Variants in SEMA5A observed in about 807,000 individuals in gnomAD.
SEMA5A encodes semaphorin 5A.
In SEMA5A, 55 loss-of-function variants were observed where a neutral mutation model predicts 135.5. The ratio of observed to expected loss-of-function variants is 0.41; its 90% CI spans 0.33 to 0.51. SEMA5A has a LOEUF of 0.51. SEMA5A is among the 20% of genes least tolerant of loss of function. SEMA5A has a pLI of 0.37. For synonymous variants in SEMA5A, 580 were observed against 546.5 expected, an observed-to-expected ratio of 1.06 and a Z score of -0.85; for missense variants, 1,290 against 1,419.9, an observed-to-expected ratio of 0.91 and a Z score of 1.47.
At position 9,286,993 on chromosome 5, in the gene SEMA5A, G is replaced by A. The variant is rs529148155; in HGVS notation, c.270+31379C>T. On this transcript the variant is annotated intron_variant, in intron 5 of 22. Coordinates refer to ENST00000382496, the MANE Select transcript of SEMA5A (RefSeq NM_003966.3). ...AAACAATCATAAGCAAATGCTGTCCGTCACTGTTTTCCTACATGTACCCAA... is the reference window on the plus strand; with the variant it reads ...AAACAATCATAAGCAAATGCTGTCCATCACTGTTTTCCTACATGTACCCAA... Among the ~76,000 whole-genome samples, 8 of 152,244 alleles carry A rather than the reference G, an allele frequency of 5.3e-5. No individual in the cohort carries two copies. In the South Asian group the frequency reaches 1.0e-3, roughly 20 times the overall value.
chr5:9,384,633 TAGATAG>T (rs1755783286), intron 2 of SEMA5A, among the ~76,000 whole-genome samples: 1 of 118,518 alleles, frequency 8.4e-6, no homozygotes. Context: ...GATAGATAGA[TAGATAG>T]ATAGATAGAT....
At position 9,528,517 on chromosome 5, in the gene SEMA5A, G is replaced by A. The variant is rs75920433; in HGVS notation, c.-175+17067C>T. Among the ~76,000 whole-genome samples the A allele has an allele frequency of 7.7e-3, 1,177 of 152,260 alleles. 15 individuals carry two copies. The highest frequency in any genetic ancestry group is 0.027 in the African/African-American group (1,114 of 41,522). On this transcript the variant is annotated intron_variant, in intron 1 of 22. Transcript: ENST00000382496. ...CCAACCCCATGAATCTGAGCCCTAG[G>A]ACTGCTTTGACCAGTAGAATACAGT...
At chr5:9,233,998 T>C (rs1450750431) in intron 6 of SEMA5A, among the ~76,000 whole-genome samples, 2 of 152,208 alleles carry the variant, frequency 1.3e-5, no homozygotes, top group Admixed American at 6.5e-5. Flanking sequence ...ATTCTTTTTA[T>C]TTCAGGGAGA....
chr5:9,232,443 A>T (rs1321081390), intron 6 of SEMA5A, among the ~76,000 whole-genome samples: 1 of 152,170 alleles, frequency 6.6e-6, no homozygotes, highest in Non-Finnish European at 1.5e-5. Flanking sequence ...CATCAACCTA[A>T]ATCATGATTA....
At chr5:9,510,483 A>C (rs1470736841) in intron 1 of SEMA5A, among the ~76,000 whole-genome samples, 1 of 152,196 alleles carries the variant, frequency 6.6e-6, no homozygotes, top group Non-Finnish European at 1.5e-5. Flanking sequence ...TGATTTTTCA[A>C]GTTCTTTGTA....
chr5:9,538,962 G>C (rs930501355), intron 1 of SEMA5A, among the ~76,000 whole-genome samples: 1 of 152,228 alleles, frequency 6.6e-6, no homozygotes, highest in African/African-American at 2.4e-5. Flanking sequence ...GTTTTATTGA[G>C]GTATATGTTA....
chr5:9,360,868 T>C (rs1262830319), intron 3 of SEMA5A, among the ~76,000 whole-genome samples: 1 of 152,262 alleles, frequency 6.6e-6, no homozygotes, highest in Non-Finnish European at 1.5e-5. Context: ...TGATTTTCTA[T>C]CTTCTTCATC....
Position 9,353,455 on chromosome 5 carries a change from C to G in SEMA5A, c.125-15643G>C, listed in dbSNP as rs114676119. Among the ~76,000 whole-genome samples, 950 of 151,858 alleles carry G rather than the reference C, an allele frequency of 6.3e-3. 7 individuals carry two copies. Among genetic ancestry groups the G allele is most frequent in the African/African-American group, 0.022 (907 of 41,398 alleles). On this transcript the variant is annotated intron_variant, in intron 3 of 22. Coordinates refer to ENST00000382496, the MANE Select transcript of SEMA5A (RefSeq NM_003966.3). Reference sequence around the variant, plus strand: ...CAATTTTAAAGTAAGAAGGAACCACCTCTGGGCATATCTACTCATACCTCT... The same window carrying G: ...CAATTTTAAAGTAAGAAGGAACCACGTCTGGGCATATCTACTCATACCTCT...
chr5:9,054,045 C>T, intron 19 of SEMA5A, 42 bp downstream of exon 19: 3 of 1,558,404 alleles, frequency 1.9e-6, no homozygotes, highest in Non-Finnish European at 2.6e-6. Context: ...GGAAAGAGGC[C>T]AATTTGTCTG....
intron 3 of SEMA5A, among the ~76,000 whole-genome samples, chr5:9,358,275 A>C (rs990849385): frequency 2.6e-5 from 4 of 152,056 alleles, no homozygotes; most frequent in African/African-American, 7.2e-5. Flanking sequence ...TTTACCTTCA[A>C]ACCCATTTTC....
At position 9,483,127 on chromosome 5, in the gene SEMA5A, G is replaced by T. The variant is rs577633398; in HGVS notation, c.-174-45275C>A. On this transcript the variant is annotated intron_variant, in intron 1 of 22. Transcript: ENST00000382496. Reference sequence around the variant, plus strand: ...GCTGTTCATGGCATTTAGTGACAAAGATTTTCACCTTCTCATTCCCTATCT... The same window carrying T: ...GCTGTTCATGGCATTTAGTGACAAATATTTTCACCTTCTCATTCCCTATCT... Among the ~76,000 whole-genome samples the T allele has an allele frequency of 7.9e-5, 12 of 152,252 alleles. No individual in the cohort carries two copies. The South Asian group carries it at 2.1e-3, about 26-fold the overall frequency.
intron 6 of SEMA5A, among the ~76,000 whole-genome samples, chr5:9,236,046 G>C (rs980563548): frequency 3.3e-5 from 5 of 152,180 alleles, no homozygotes; most frequent in African/African-American, 1.2e-4. Flanking sequence ...ATCAGGTCTT[G>C]TGAGACTTAT....
At chr5:9,243,749 G>C (rs957236839) in intron 5 of SEMA5A, among the ~76,000 whole-genome samples, 1 of 152,070 alleles carries the variant, frequency 6.6e-6, no homozygotes, top group Admixed American at 6.6e-5. Flanking sequence ...CTTGCCAAAG[G>C]CCACAGAGTA....
At chr5:9,476,862 C>A (rs897590405) in intron 1 of SEMA5A, among the ~76,000 whole-genome samples, 1 of 151,834 alleles carries the variant, frequency 6.6e-6, no homozygotes, top group Non-Finnish European at 1.5e-5. Context: ...ACATCACCTG[C>A]GGCCAGGAAT....
chr5:9,398,013 T>C (rs1420330914), intron 2 of SEMA5A, among the ~76,000 whole-genome samples: 1 of 152,242 alleles, frequency 6.6e-6, no homozygotes, highest in African/African-American at 2.4e-5. Context: ...TAGGAAGAGC[T>C]GATCCACGCT....
chr5:9,104,146 G>C (rs1427135071), intron 16 of SEMA5A, among the ~76,000 whole-genome samples: 1 of 152,172 alleles, frequency 6.6e-6, no homozygotes, highest in African/African-American at 2.4e-5. Flanking sequence ...TGCTGGTCCA[G>C]TCCCCCACTG....
At chr5:9,071,760 A>T (rs1366715105) in intron 16 of SEMA5A, among the ~76,000 whole-genome samples, 1 of 152,204 alleles carries the variant, frequency 6.6e-6, no homozygotes, top group Non-Finnish European at 1.5e-5. Context: ...ACAACTGAAT[A>T]TGTAAATCAA....
At chr5:9,184,261 T>TC (rs1744687205) in intron 11 of SEMA5A, among the ~76,000 whole-genome samples, 1 of 151,930 alleles carries the variant, frequency 6.6e-6, no homozygotes, top group Non-Finnish European at 1.5e-5. Context: ...TTTTAGTTTT[T>TC]TTTTTCCTCC....
intron 3 of SEMA5A, among the ~76,000 whole-genome samples, chr5:9,343,260 C>A (rs191311426): frequency 6.6e-6 from 1 of 152,270 alleles, no homozygotes; most frequent in Admixed American, 6.5e-5. Flanking sequence ...CAACCATGTA[C>A]TGATCTGCTT....
Sources: gnomAD v4.1 joint callset for allele counts (sites outside exome capture counted in the v4.1 genomes callset) on GRCh38, gnomAD v4.1.1 for gene constraint, MANE v1.5 for transcripts, NCBI Gene and HGNC (gene_info 2026-07-23, HGNC 2026-07-21) for gene names.